STRN: variants seen among roughly 807,000 people sequenced by gnomAD.
The protein encoded by STRN is striatin, also known as protein phosphatase 2 regulatory subunit B'''alpha.
In STRN, 53 loss-of-function variants were observed where a neutral mutation model predicts 96.3. The observed-to-expected ratio is 0.55, with a 90% CI of 0.44 to 0.69. STRN has a LOEUF of 0.69. Among genes scored for constraint, STRN ranks in the 30% least tolerant of loss-of-function variants. The pLI, the probability that STRN is intolerant of heterozygous loss-of-function variation, is 0.00. For synonymous variants in STRN, 428 were observed against 355.9 expected (o/e 1.20, Z -2.28); for missense variants, 987 against 963.9 (o/e 1.02, Z -0.32).
intron 1 of STRN, among the ~76,000 whole-genome samples, chr2:36,937,251 G>A (rs539827820): frequency 6.6e-6 from 1 of 151,010 alleles, no homozygotes; most frequent in Non-Finnish European, 1.5e-5. Context: ...AGCTGAGGCA[G>A]GAGAATCGCA....
intron 1 of STRN, among the ~76,000 whole-genome samples, chr2:36,944,285 T>TAG (rs1396139440): frequency 1.3e-5 from 2 of 152,290 alleles, no homozygotes; most frequent in South Asian, 4.1e-4. Flanking sequence ...GAAAGACTGA[T>TAG]ATCTAAGTTC....
chr2:36,933,930 C>T (rs563118203), intron 1 of STRN, among the ~76,000 whole-genome samples: 4 of 152,044 alleles, frequency 2.6e-5, no homozygotes, highest in South Asian at 4.2e-4. Context: ...GCCAACACGG[C>T]GAAACCCTGT....
intron 1 of STRN, among the ~76,000 whole-genome samples, chr2:36,935,030 A>G (rs1670668029): frequency 6.6e-6 from 1 of 152,082 alleles, no homozygotes; most frequent in African/African-American, 2.4e-5. Flanking sequence ...GTGAACTGAG[A>G]CTACACCACT....
intron 10 of STRN, among the ~76,000 whole-genome samples, chr2:36,874,933 A>G (rs1668863419): frequency 6.6e-6 from 1 of 152,182 alleles, no homozygotes; most frequent in African/African-American, 2.4e-5. Flanking sequence ...TAATTTTAAA[A>G]AGCAAAATGT....
At chr2:36,933,136 C>T (rs1396735041) in intron 1 of STRN, among the ~76,000 whole-genome samples, 1 of 151,766 alleles carries the variant, frequency 6.6e-6, no homozygotes, top group Non-Finnish European at 1.5e-5. Context: ...CCTGCAGATT[C>T]AGTCAACCAT....
rs185801863 is a variant in STRN at position 36,877,442 on chromosome 2, G to A, written c.1323+449C>T. Among the ~76,000 whole-genome samples the A allele has an allele frequency of 4.5e-4, 69 of 152,236 alleles. 1 individual carries two copies. The highest frequency in any genetic ancestry group is 3.5e-3 in the Admixed American group (54 of 15,298). ...TGGAAAAATGTTAGTTTTTCTTTAC[G>A]TATCTTTCAAAGTTTGCAATGAAAA... On this transcript the variant is annotated intron_variant, in intron 10 of 17. Transcript: ENST00000263918.
chr2:36,874,263 CAA>C (rs773719537), intron 10 of STRN, among the ~76,000 whole-genome samples: 24 of 116,776 alleles, frequency 2.1e-4, no homozygotes, highest in Admixed American at 1.8e-4. Context: ...AACTCTGTCT[CAA>C]AAAAAAAAAA....
At chr2:36,926,863 T>G (rs977146975) in intron 1 of STRN, among the ~76,000 whole-genome samples, 6 of 152,154 alleles carry the variant, frequency 3.9e-5, no homozygotes, top group Admixed American at 1.3e-4. Context: ...CTAACCAGAA[T>G]AGTAATGACA....
chr2:36,906,931 A>G (rs1669836563), intron 3 of STRN, among the ~76,000 whole-genome samples: 1 of 114,744 alleles, frequency 8.7e-6, no homozygotes, highest in African/African-American at 3.0e-5. Flanking sequence ...CTCAAAAAAC[A>G]AAAAAAACAA....
At chr2:36,849,902 G>A in intron 16 of STRN, 102 bp from the exon 17 acceptor site, 1 of 1,081,910 alleles carries the variant, frequency 9.2e-7, no homozygotes, top group Middle Eastern at 2.1e-4. Flanking sequence ...CCCTCTCTGT[G>A]TGCTTACTGT....
At chr2:36,933,730 G>A (rs187061043) in intron 1 of STRN, among the ~76,000 whole-genome samples, 2 of 152,272 alleles carry the variant, frequency 1.3e-5, no homozygotes, top group Admixed American at 6.5e-5. Context: ...TCAGCCTCTC[G>A]AGGAGCTGGG....
At chr2:36,917,546 A>AG (rs1330165174) in intron 2 of STRN, among the ~76,000 whole-genome samples, 1 of 150,182 alleles carries the variant, frequency 6.7e-6, no homozygotes, top group South Asian at 2.1e-4. Context: ...AAGAAAAAAA[A>AG]AAAAAAAGAA....
chr2:36,851,100 G>A lies in STRN; in HGVS notation c.1986C>T (p.Asn662=), dbSNP rs1334337581. The change falls in exon 16 of 18, where the codon AAC becomes AAT. Residue 662 remains asparagine, a synonymous_variant. Transcript: ENST00000263918. The part of the protein sequence containing the change: ...TLESNVDTTA[N]SSCQINRVIS... ...TGACTCTATTTATTTGGCAGGAAGA[G>A]TTGGCTGCTAAAAAGAAAAAATTAA... 6.2e-7 allele frequency: 1 copy of A among 1,611,796 alleles called. No individual in the cohort carries two copies. Among genetic ancestry groups the A allele is most frequent in the African/African-American group, 1.3e-5 (1 of 74,752 alleles).
At chr2:36,891,031 T>C (rs1232007555) in intron 7 of STRN, among the ~76,000 whole-genome samples, 1 of 152,180 alleles carries the variant, frequency 6.6e-6, no homozygotes, top group African/African-American at 2.4e-5. Context: ...GGAATATTTG[T>C]ACTATACTGG....
chr2:36,931,990 T>C (rs1388518574), intron 1 of STRN, among the ~76,000 whole-genome samples: 1 of 152,084 alleles, frequency 6.6e-6, no homozygotes, highest in Non-Finnish European at 1.5e-5. Context: ...GCAGCTGATT[T>C]TAATCTTTTT....
At chr2:36,961,172 G>A (rs549224248) in intron 1 of STRN, among the ~76,000 whole-genome samples, 2 of 140,430 alleles carry the variant, frequency 1.4e-5, no homozygotes, top group Non-Finnish European at 3.0e-5. Context: ...TGTCGCCCAG[G>A]CTGGAGTGCA....
chr2:36,954,205 G>A (rs1245085054), intron 1 of STRN, among the ~76,000 whole-genome samples: 1 of 151,918 alleles, frequency 6.6e-6, no homozygotes, highest in East Asian at 1.9e-4. Context: ...TACCCTCAGA[G>A]CAAGCTAAAA....
chr2:36,966,394 G>C lies in STRN; in HGVS notation c.70C>G (p.Leu24Val). The C allele has an allele frequency of 6.8e-7, 1 of 1,464,096 alleles. No individual in the cohort carries two copies. The highest frequency in any genetic ancestry group is 9.0e-7 in the Non-Finnish European group (1 of 1,109,896). The allele number at this position is 1,464,096 out of a possible 1,614,324, so 90.7% of individuals were successfully genotyped here. The change falls in exon 1 of 18, where the codon CTC (leucine) becomes GTC (valine). Residue 24 changes from leucine to valine, a missense_variant. Physicochemically the swap from Leu to Val is conservative, Grantham distance 32 (BLOSUM62 1). Coordinates refer to ENST00000263918, the MANE Select transcript of STRN (RefSeq NM_003162.4). ...NHPGAGGAKG[L>V]GPLAEAAAAG... ...GCGGCAGCCTCCGCCAGAGGCCCGAGCCCCTTGGCACCGCCGGCGCCCGGG... is the reference window on the plus strand; with the variant it reads ...GCGGCAGCCTCCGCCAGAGGCCCGACCCCCTTGGCACCGCCGGCGCCCGGG...
rs774538610 is a variant in STRN at position 36,869,679 on chromosome 2, T to C, written c.1374A>G (p.Thr458=). 2.7e-5 allele frequency: 43 copies of C among 1,612,204 alleles called. No individual in the cohort carries two copies. The Middle Eastern group carries it at 6.6e-4, about 25-fold the overall frequency. Residue 458 remains threonine, a synonymous_variant, in exon 11 of 18, where the codon ACA becomes ACG. Transcript: ENST00000263918. ...GGATGCCATCAAAGTGACTTCTCAA[T>C]GTAAACTTAGGGTTCCATGTCTTCC... The part of the protein sequence containing the change: ...ALRKTWNPKF[T]LRSHFDGIRA...
Sources: allele counts gnomAD v4.1 joint callset (sites outside exome capture counted in the v4.1 genomes callset), GRCh38; gene constraint gnomAD v4.1.1; transcripts MANE v1.5; gene names NCBI Gene and HGNC (gene_info 2026-07-23, HGNC 2026-07-21).